The following PDE4D variants were observed in gnomAD, a reference collection of about 807,000 sequenced individuals.
The protein encoded by PDE4D is phosphodiesterase 4D, also known as 3',5'-cyclic-AMP phosphodiesterase 4D.
In PDE4D, 24 loss-of-function variants were observed where a neutral mutation model predicts 87.4. That is an observed-to-expected ratio of 0.27 (90% confidence interval 0.20 to 0.39). PDE4D has a LOEUF of 0.39. PDE4D is among the 10% of genes least tolerant of loss of function. PDE4D has a pLI of 1.00. For missense variants in PDE4D, 714 were observed against 1,041.0 expected (o/e 0.69, Z 4.32); for synonymous variants, 384 against 383.2 (o/e 1.00, Z -0.02).
chr5:59,960,458 G>A (rs1759339355), intron 3 of PDE4D, among the ~76,000 whole-genome samples: 1 of 152,134 alleles, frequency 6.6e-6, no homozygotes, highest in African/African-American at 2.4e-5. Context: ...CAACCTAGGT[G>A]CCCATCAACG....
At chr5:60,016,038 T>TGG (rs1765484998) in intron 2 of PDE4D, among the ~76,000 whole-genome samples, 1 of 151,844 alleles carries the variant, frequency 6.6e-6, no homozygotes, top group South Asian at 2.1e-4. Flanking sequence ...TGTGTGTGTG[T>TGG]GTGTGTGTGT....
Position 59,190,573 on chromosome 5 carries a change from G to A in PDE4D, c.684+2927C>T, listed in dbSNP as rs72764094. 4.4e-3 allele frequency among the ~76,000 whole-genome samples: 674 copies of A among 152,156 alleles called. 2 individuals carry two copies. The highest frequency in any genetic ancestry group is 6.2e-3 in the Non-Finnish European group (420 of 67,990). ...TGGTATATCAGGACAAATTAGATTG[G>A]TATCACTTCAAGTGACATAAGTATC... is the stretch of plus-strand genomic sequence containing the variant. On this transcript the variant is annotated intron_variant, in intron 3 of 14. Coordinates refer to ENST00000340635, the MANE Select transcript of PDE4D (RefSeq NM_001104631.2).
intron 1 of PDE4D, among the ~76,000 whole-genome samples, chr5:59,537,848 G>A (rs1480836011): frequency 6.6e-6 from 1 of 152,082 alleles, no homozygotes; most frequent in Non-Finnish European, 1.5e-5. Flanking sequence ...TTTTAAAAAT[G>A]GGAACTCTTA....
intron 2 of PDE4D, among the ~76,000 whole-genome samples, chr5:60,067,893 CG>C (rs1772281363): frequency 6.6e-6 from 1 of 152,126 alleles, no homozygotes; most frequent in South Asian, 2.1e-4. Flanking sequence ...TTGTCACATA[CG>C]GCAATAGTTC....
chr5:59,023,515 G>T (rs1755624140), intron 6 of PDE4D, among the ~76,000 whole-genome samples: 3 of 151,970 alleles, frequency 2.0e-5, no homozygotes, highest in Admixed American at 2.0e-4. Context: ...AGAAAAGCCG[G>T]TCTGGTGGCA....
At chr5:60,159,691 A>C (rs2962976) in intron 2 of PDE4D, among the ~76,000 whole-genome samples, 22,513 of 152,176 alleles carry the variant, frequency 0.15, 1,742 homozygotes, top group South Asian at 0.23. Flanking sequence ...GACTGTACTA[A>C]ATAAATATTT....
chr5:60,117,035 T>C (rs1778233433), intron 2 of PDE4D, among the ~76,000 whole-genome samples: 1 of 104,288 alleles, frequency 9.6e-6, no homozygotes, highest in South Asian at 3.1e-4. Flanking sequence ...TTACCCAAAA[T>C]TGCATATTTC....
chr5:59,642,451 G>A (rs1741746863), intron 1 of PDE4D, among the ~76,000 whole-genome samples: 1 of 152,116 alleles, frequency 6.6e-6, no homozygotes, highest in Non-Finnish European at 1.5e-5. Flanking sequence ...TCCATGTGTT[G>A]TGGGGGACAC....
intron 1 of PDE4D, among the ~76,000 whole-genome samples, chr5:60,215,378 A>G (rs1465894369): frequency 6.6e-6 from 1 of 152,118 alleles, no homozygotes; most frequent in Non-Finnish European, 1.5e-5. Context: ...AAAAAATGCT[A>G]CTTATGAGGA....
chr5:59,021,331 T>A (rs1464399067), intron 6 of PDE4D, among the ~76,000 whole-genome samples: 3 of 152,110 alleles, frequency 2.0e-5, no homozygotes, highest in Non-Finnish European at 4.4e-5. Context: ...GTAAACAAAC[T>A]CAGTGGGCCA....
intron 1 of PDE4D, among the ~76,000 whole-genome samples, chr5:59,464,863 T>C (rs990295593): frequency 2.3e-4 from 35 of 152,148 alleles, no homozygotes; most frequent in African/African-American, 4.8e-5. Flanking sequence ...TGAATTTCTA[T>C]ATTCTGGCAA....
intron 1 of PDE4D, among the ~76,000 whole-genome samples, chr5:60,445,063 C>T (rs1057050990): frequency 3.9e-5 from 6 of 151,970 alleles, no homozygotes; most frequent in Non-Finnish European, 7.4e-5. Flanking sequence ...ACAAGCAGGG[C>T]GTAACGTGAT....
At chr5:59,520,591 T>C (rs1410720943) in intron 1 of PDE4D, among the ~76,000 whole-genome samples, 1 of 151,570 alleles carries the variant, frequency 6.6e-6, no homozygotes, top group African/African-American at 2.4e-5. Flanking sequence ...GTGAAAGAAG[T>C]AGAACTAAGA....
intron 9 of PDE4D, 98 bp from the exon 10 acceptor site, chr5:58,990,017 G>T: frequency 1.4e-6 from 1 of 723,110 alleles, no homozygotes; most frequent in Non-Finnish European, 2.3e-6. Context: ...AGTGTTGCCA[G>T]TGGATAACCT....
At chr5:58,991,010 G>C (rs1463649808) in intron 8 of PDE4D, 108 bp from the exon 9 acceptor site, 1 of 644,736 alleles carries the variant, frequency 1.6e-6, no homozygotes, top group African/African-American at 1.8e-5. Flanking sequence ...GCCGGGCATA[G>C]AGGCTCAAGC....
rs554947279 is a variant in PDE4D at position 59,023,890 on chromosome 5, C to T, written c.921+14969G>A. Among the ~76,000 whole-genome samples, 206 of 150,630 alleles carry T rather than the reference C, an allele frequency of 1.4e-3. 1 individual carries two copies. Among genetic ancestry groups the T allele is most frequent in the African/African-American group, 4.8e-3 (197 of 41,098 alleles). Reference sequence around the variant, plus strand: ...CTAAATAGCAACAAATAATTTTTCCCATGAATTCTACTTTTTTTTTTTTTT... The same window carrying T: ...CTAAATAGCAACAAATAATTTTTCCTATGAATTCTACTTTTTTTTTTTTTT... On this transcript the variant is annotated intron_variant, in intron 6 of 14. Transcript: ENST00000340635.
At chr5:59,219,758 T>C (rs1330910055) in intron 1 of PDE4D, among the ~76,000 whole-genome samples, 3 of 152,154 alleles carry the variant, frequency 2.0e-5, no homozygotes, top group South Asian at 2.1e-4. Flanking sequence ...TTGTATTATA[T>C]AGGCAATCAG....
intron 1 of PDE4D, among the ~76,000 whole-genome samples, chr5:59,650,886 C>T (rs1743343970): frequency 6.6e-6 from 1 of 152,108 alleles, no homozygotes; most frequent in Non-Finnish European, 1.5e-5. Context: ...CAGGCAACAG[C>T]CCAGCCCAAA....
At chr5:59,118,554 C>T (rs1038242875) in intron 5 of PDE4D, among the ~76,000 whole-genome samples, 1 of 152,216 alleles carries the variant, frequency 6.6e-6, no homozygotes, top group Admixed American at 6.5e-5. Flanking sequence ...AAATAGGCCT[C>T]ATGGACTTTA....
Sources: gnomAD v4.1 joint callset for allele counts (sites outside exome capture counted in the v4.1 genomes callset) on GRCh38, gnomAD v4.1.1 for gene constraint, MANE v1.5 for transcripts, NCBI Gene and HGNC (gene_info 2026-07-23, HGNC 2026-07-21) for gene names.